Variants in CMTM4 observed in about 807,000 individuals in gnomAD.
CMTM4 encodes CKLF-like MARVEL transmembrane domain-containing protein 4.
Under a neutral mutation model 19.0 loss-of-function variants are expected in CMTM4, and 8 were observed. That is an observed-to-expected ratio of 0.42 (90% CI 0.25 to 0.76). The LOEUF is 0.76. CMTM4 is among the 30% of genes least tolerant of loss of function. CMTM4 has a pLI of 0.27. For synonymous variants in CMTM4, 106 were observed against 121.1 expected, an observed-to-expected ratio of 0.88 and a Z score of 0.82; for missense variants, 228 against 290.2, an observed-to-expected ratio of 0.79 and a Z score of 1.56.
At chr16:66,612,546 G>A (rs536160698), downstream of CMTM4, 3 of 1,569,270 alleles carry the variant, frequency 1.9e-6, no homozygotes, top group East Asian at 6.7e-5. This position sits in a 1 kb window ranked among gnomAD's most constrained non-coding sequence, Gnocchi z 6.0. Context: ...CTTCCCCAGA[G>A]ACCGTTCCCA....
chr16:66,663,854 A>G (rs985599334), intron 1 of CMTM4, among the ~76,000 whole-genome samples: 10 of 151,994 alleles, frequency 6.6e-5, no homozygotes, highest in Admixed American at 2.6e-4. Context: ...TTGCTTCTTT[A>G]TATCTTCTAT....
chr16:66,600,136 G>GTGTGGTTTTTTT, the CMTM4 span, among the ~76,000 whole-genome samples: 1 of 135,166 alleles, frequency 7.4e-6, no homozygotes, highest in African/African-American at 2.9e-5. Context: ...GTGTGTGTGT[G>GTGTGGTTTTTTT]TTTTTTTTTG....
chr16:66,605,250 G>C, the CMTM4 span: 7,848 of 269,560 alleles, frequency 0.029, 144 homozygotes, highest in Non-Finnish European at 0.037. This position sits in a 1 kb window ranked among gnomAD's most constrained non-coding sequence, Gnocchi z 4.6. Context: ...TGTGAGCCAG[G>C]CGCCCCCGCC....
chr16:66,636,655 C>T (rs1252536107), intron 1 of CMTM4, 74 bp from the exon 2 acceptor site: 2 of 1,220,492 alleles, frequency 1.6e-6, no homozygotes. Flanking sequence ...ACCTGCCATG[C>T]TTATATAACA....
At position 66,652,882 on chromosome 16, in the gene CMTM4, C is replaced by T. The variant is rs9933110; in HGVS notation, c.187-16301G>A. 9.9e-3 allele frequency among the ~76,000 whole-genome samples: 1,504 copies of T among 152,242 alleles called. 21 individuals are homozygous for T. Among genetic ancestry groups the T allele is most frequent in the African/African-American group, 0.033 (1,389 of 41,556 alleles). On this transcript the variant is annotated intron_variant, in intron 1 of 3. Coordinates refer to ENST00000394106, the MANE Select transcript of CMTM4 (RefSeq NM_181521.3). The stretch of plus-strand genomic sequence containing the variant: ...AGAGATTGCCCACAGAATCTTATTG[C>T]GAATGCTACCCTGCTCAAAAAGTCA...
At position 66,623,516 on chromosome 16, in the gene CMTM4, C is replaced by G. The variant is rs1027972803; in HGVS notation, c.364-14G>C. 1.9e-6 allele frequency: 3 copies of G among 1,548,622 alleles called. No individual in the cohort carries two copies. Among genetic ancestry groups the G allele is most frequent in the Non-Finnish European group, 8.8e-7 (1 of 1,134,834 alleles). On this transcript the variant is annotated splice_polypyrimidine_tract_variant and intron_variant, in intron 2 of 3. Transcript: ENST00000394106. ...GTTGACCAAATCCTAAAGGGAGAGACAAAATAAACCAAGTGAAAAGAACCA... is the reference window on the plus strand; with the variant it reads ...GTTGACCAAATCCTAAAGGGAGAGAGAAAATAAACCAAGTGAAAAGAACCA...
At chr16:66,668,106 G>A (rs2016635945) in intron 1 of CMTM4, among the ~76,000 whole-genome samples, 1 of 151,764 alleles carries the variant, frequency 6.6e-6, no homozygotes, top group Admixed American at 6.6e-5. Flanking sequence ...CAGCTCAAGG[G>A]TCCTCCCACC....
the CMTM4 span, chr16:66,608,616 T>G: frequency 1.4e-6 from 1 of 737,464 alleles, no homozygotes; most frequent in Non-Finnish European, 2.2e-6. This position sits in a 1 kb window ranked among gnomAD's most constrained non-coding sequence, Gnocchi z 5.1. Flanking sequence ...CTTCAGATCA[T>G]CCCAGCTCCA....
chr16:66,662,775 A>C (rs2016521536), intron 1 of CMTM4, among the ~76,000 whole-genome samples: 1 of 152,160 alleles, frequency 6.6e-6, no homozygotes. Flanking sequence ...CCGAAAGAGG[A>C]GTTCTAAGGG....
intron 2 of CMTM4, among the ~76,000 whole-genome samples, chr16:66,631,244 CCG>C (rs1368806417): frequency 1.0e-4 from 15 of 150,676 alleles, no homozygotes; most frequent in African/African-American, 3.2e-4. Context: ...GCCAGCCGCC[CCG>C]TCCAGGAGGG....
Position 66,622,061 on chromosome 16 carries a change from C to A in CMTM4, c.624G>T (p.Thr208=), listed in dbSNP as rs199774057. The A allele has an allele frequency of 6.4e-7, 1 of 1,565,218 alleles. No individual in the cohort carries two copies. The highest frequency in any genetic ancestry group is 1.3e-5 in the African/African-American group (1 of 74,104). Residue 208 remains threonine, a synonymous_variant, in exon 4 of 4, where the codon ACG becomes ACT. Coordinates refer to ENST00000394106, the MANE Select transcript of CMTM4 (RefSeq NM_181521.3). The surrounding 1 kb of genome is among the most constrained non-coding windows in gnomAD (Gnocchi z 4.0). ...DSRPEIQRLD[T] ...GGAGGAGGATCCAGGCAGGTCCTCACGTGTCCAGGCGCTGGATCTCAGGGC... is the reference window on the plus strand; with the variant it reads ...GGAGGAGGATCCAGGCAGGTCCTCAAGTGTCCAGGCGCTGGATCTCAGGGC...
At chr16:66,680,331 T>C (rs1196512283) in intron 1 of CMTM4, among the ~76,000 whole-genome samples, 1 of 150,932 alleles carries the variant, frequency 6.6e-6, no homozygotes, top group African/African-American at 2.4e-5. Context: ...ATACAAAAAT[T>C]GGCCAGGTGT....
At chr16:66,682,704 C>T (rs1027895332) in intron 1 of CMTM4, among the ~76,000 whole-genome samples, 8 of 152,010 alleles carry the variant, frequency 5.3e-5, no homozygotes, top group Non-Finnish European at 7.4e-5. Flanking sequence ...CCTCATGGAA[C>T]GGTTGTTCTT....
Position 66,618,158 on chromosome 16 carries a change from A to C in CMTM4, c.*3900T>G, listed in dbSNP as rs963141761. On this transcript the variant is annotated 3_prime_UTR_variant, in exon 4 of 4. Transcript: ENST00000394106. ...CTAGGAAATAACAAGGCACCTAGAG[A>C]CTTCACAAGCTAATGGCAGTCCCTG... The C allele has an allele frequency of 1.0e-6, 1 of 985,356 alleles. No individual in the cohort carries two copies. The highest frequency in any genetic ancestry group is 1.2e-6 in the Non-Finnish European group (1 of 829,946). 61.0% of individuals were successfully genotyped at this position (985,356 alleles called of 1,614,324 possible).
chr16:66,624,033 T>C (rs2015689010), intron 2 of CMTM4, among the ~76,000 whole-genome samples: 1 of 152,244 alleles, frequency 6.6e-6, no homozygotes, highest in South Asian at 2.1e-4. Flanking sequence ...TTGCACAGCA[T>C]GCATCCACCG....
intron 1 of CMTM4, among the ~76,000 whole-genome samples, chr16:66,650,768 G>C (rs1048243252): frequency 1.3e-5 from 2 of 152,146 alleles, no homozygotes; most frequent in Admixed American, 6.5e-5. Context: ...AACACAAAAG[G>C]CATGTGCTGG....
intron 1 of CMTM4, among the ~76,000 whole-genome samples, chr16:66,674,732 CTTTTTTTTT>C (rs771044359): frequency 2.2e-5 from 2 of 92,486 alleles, no homozygotes; most frequent in African/African-American, 4.4e-5. Flanking sequence ...GTTACATATT[CTTTTTTTTT>C]TTTTTTTTTT....
chr16:66,685,217 T>C (rs747404926), intron 1 of CMTM4, among the ~76,000 whole-genome samples: 15 of 152,198 alleles, frequency 9.9e-5, no homozygotes, highest in Non-Finnish European at 2.1e-4. Flanking sequence ...TTATTATCTG[T>C]GATCCCTTCT....
Position 66,627,102 on chromosome 16 carries a change from C to CA in CMTM4, c.364-3601dup, listed in dbSNP as rs1019306844. The stretch of plus-strand genomic sequence containing the variant: ...TGGGGGACAGCGTGAGACTCTGTCT[C>CA]AAAAAAATAAATAAATAAATGATAT... On this transcript the variant is annotated intron_variant, in intron 2 of 3. Coordinates refer to ENST00000394106, the MANE Select transcript of CMTM4 (RefSeq NM_181521.3). 1.2e-4 allele frequency among the ~76,000 whole-genome samples: 18 copies of CA among 151,422 alleles called. No homozygotes were observed. The South Asian group carries it at 1.3e-3, about 11-fold the overall frequency.
Sources: allele counts gnomAD v4.1 joint callset (sites outside exome capture counted in the v4.1 genomes callset), GRCh38; gene constraint gnomAD v4.1.1; non-coding constraint Gnocchi (gnomAD v3.1); transcripts MANE v1.5; gene names NCBI Gene and HGNC (gene_info 2026-07-23, HGNC 2026-07-21).